OR1J2: variants seen among roughly 807,000 people sequenced by gnomAD.
OR1J2 encodes the protein olfactory receptor 1J2.
For missense variants in OR1J2, 304 were observed against 246.1 expected (o/e 1.24, Z -1.57); for synonymous variants, 142 against 99.7 (o/e 1.42, Z -2.52).
the OR1J2 span, among the ~76,000 whole-genome samples, chr9:122,561,374 C>T: frequency 6.6e-6 from 1 of 152,172 alleles, no homozygotes; most frequent in East Asian, 1.9e-4. Flanking sequence ...CCAGTTCACG[C>T]CCTTGCTGGA....
the OR1J2 span, among the ~76,000 whole-genome samples, chr9:122,571,418 C>T: frequency 6.6e-6 from 1 of 151,716 alleles, no homozygotes; most frequent in South Asian, 2.1e-4. Flanking sequence ...GGCATGGTGG[C>T]GGGGGCCTGT....
the OR1J2 span, among the ~76,000 whole-genome samples, chr9:122,535,020 G>C: frequency 6.6e-6 from 1 of 152,122 alleles, no homozygotes; most frequent in South Asian, 2.1e-4. Flanking sequence ...AGAGGTTTTA[G>C]GTTTTTAAGA....
the OR1J2 span, among the ~76,000 whole-genome samples, chr9:122,518,782 A>C: frequency 2.0e-5 from 3 of 152,248 alleles, no homozygotes; most frequent in Non-Finnish European, 4.4e-5. Flanking sequence ...ATGTTACAAC[A>C]TGAAGGCTCA....
chr9:122,497,747 G>A, the OR1J2 span, among the ~76,000 whole-genome samples: 1 of 152,050 alleles, frequency 6.6e-6, no homozygotes, highest in African/African-American at 2.4e-5. Context: ...GTTCCTCTAA[G>A]TGTGATGTTA....
chr9:122,546,680 G>C, the OR1J2 span, among the ~76,000 whole-genome samples: 1 of 152,148 alleles, frequency 6.6e-6, no homozygotes, highest in African/African-American at 2.4e-5. Context: ...TTTAAATGTA[G>C]TACTTAGAAT....
chr9:122,509,969 G>C (rs1029635308), upstream of OR1J2, among the ~76,000 whole-genome samples: 1 of 152,042 alleles, frequency 6.6e-6, no homozygotes. Context: ...ACACAGGGAG[G>C]GGAACAACAC....
chr9:122,491,239 T>A, the OR1J2 span, among the ~76,000 whole-genome samples: 1 of 152,072 alleles, frequency 6.6e-6, no homozygotes, highest in Non-Finnish European at 1.5e-5. Context: ...AAGAAAAAGA[T>A]TTGAGAAGTT....
At chr9:122,543,218 T>A in the OR1J2 span, among the ~76,000 whole-genome samples, 1 of 152,176 alleles carries the variant, frequency 6.6e-6, no homozygotes, top group African/African-American at 2.4e-5. Flanking sequence ...TGTTATTGTT[T>A]AGACAGGGTC....
the OR1J2 span, among the ~76,000 whole-genome samples, chr9:122,499,588 G>C: frequency 6.6e-6 from 1 of 152,116 alleles, no homozygotes; most frequent in Non-Finnish European, 1.5e-5. Flanking sequence ...GATCTGCCTG[G>C]GCATGTAGCA....
chr9:122,563,040 G>A, the OR1J2 span, among the ~76,000 whole-genome samples: 8 of 152,228 alleles, frequency 5.3e-5, no homozygotes, highest in African/African-American at 1.7e-4. Flanking sequence ...ATAACCAGTA[G>A]TGGGACTACT....
At chr9:122,453,052 TG>T in the OR1J2 span, among the ~76,000 whole-genome samples, 21 of 117,232 alleles carry the variant, frequency 1.8e-4, 1 homozygote, top group Non-Finnish European at 1.1e-4. Context: ...AAAAAAAAAA[TG>T]GGTGTGGCAC....
chr9:122,451,863 C>A, the OR1J2 span, among the ~76,000 whole-genome samples: 33 of 152,140 alleles, frequency 2.2e-4, no homozygotes, highest in African/African-American at 7.2e-4. Context: ...CATAATTACA[C>A]TTCACCCACC....
the OR1J2 span, among the ~76,000 whole-genome samples, chr9:122,483,456 G>T: frequency 1.3e-5 from 2 of 152,238 alleles, no homozygotes; most frequent in East Asian, 3.9e-4. Flanking sequence ...TACATAGATA[G>T]ATATTTAAAA....
the OR1J2 span, chr9:122,520,193 A>G: frequency 1.2e-5 from 8 of 677,260 alleles, no homozygotes; most frequent in East Asian, 2.2e-4. Flanking sequence ...GATGACTTGA[A>G]TTGCATCCTG....
the OR1J2 span, among the ~76,000 whole-genome samples, chr9:122,532,468 G>A: frequency 6.6e-6 from 1 of 151,862 alleles, no homozygotes; most frequent in South Asian, 2.1e-4. Flanking sequence ...GTGGATCAGA[G>A]AGATGCAGTC....
chr9:122,569,238 TC>T, the OR1J2 span, among the ~76,000 whole-genome samples: 1 of 152,328 alleles, frequency 6.6e-6, no homozygotes, highest in African/African-American at 2.4e-5. Context: ...AAATTGTTTT[TC>T]CCTTCTTTAA....
chr9:122,512,397 T>G (rs1453124419), downstream of OR1J2, among the ~76,000 whole-genome samples: 1 of 152,186 alleles, frequency 6.6e-6, no homozygotes, highest in Non-Finnish European at 1.5e-5. Flanking sequence ...AAATTATGAT[T>G]TAGTAGAATT....
At chr9:122,496,149 G>A in the OR1J2 span, among the ~76,000 whole-genome samples, 3 of 152,148 alleles carry the variant, frequency 2.0e-5, no homozygotes, top group Non-Finnish European at 4.4e-5. Context: ...TAGTGTGTTG[G>A]TTTTGTGTTG....
the OR1J2 span, chr9:122,553,425 A>C: frequency 6.2e-7 from 1 of 1,614,064 alleles, no homozygotes; most frequent in Admixed American, 1.7e-5. Flanking sequence ...CCTGTCATTA[A>C]CTGATGCCTG....
Sources: gnomAD v4.1 joint callset for allele counts (sites outside exome capture counted in the v4.1 genomes callset) on GRCh38, gnomAD v4.1.1 for gene constraint, MANE v1.5 for transcripts, NCBI Gene and HGNC (gene_info 2026-07-23, HGNC 2026-07-21) for gene names.